Variants in BPHL observed in about 807,000 individuals in gnomAD.
BPHL encodes the protein biphenyl hydrolase like.
Under a neutral mutation model 31.2 loss-of-function variants are expected in BPHL, and 27 were observed. The observed-to-expected ratio is 0.87, with a 90% CI of 0.64 to 1.19. The LOEUF (loss-of-function observed/expected upper bound fraction) is 1.19, where lower values mean the gene tolerates loss of function less well. Ranked by LOEUF, BPHL falls within the 50% of genes most tolerant of loss-of-function variation. BPHL has a pLI of 0.00. For missense variants in BPHL, 356 were observed against 375.7 expected, an observed-to-expected ratio of 0.95 and a Z score of 0.43; for synonymous variants, 150 against 146.8, an observed-to-expected ratio of 1.02 and a Z score of -0.16.
intron 4 of BPHL, among the ~76,000 whole-genome samples, chr6:3,130,435 A>G (rs944152950): frequency 2.0e-5 from 3 of 152,154 alleles, no homozygotes; most frequent in African/African-American, 7.2e-5. Flanking sequence ...ACCAGGATCT[A>G]GGGGTTGCTA....
At chr6:3,147,078 A>G (rs140224891) in intron 6 of BPHL, among the ~76,000 whole-genome samples, 146 of 152,270 alleles carry the variant, frequency 9.6e-4, no homozygotes, top group African/African-American at 3.3e-3. Context: ...CCTGGGCAAC[A>G]TGCTGAAACC....
intron 4 of BPHL, among the ~76,000 whole-genome samples, chr6:3,135,783 G>T (rs1418295842): frequency 6.6e-6 from 1 of 152,004 alleles, no homozygotes; most frequent in Non-Finnish European, 1.5e-5. Flanking sequence ...CTTTGGTTAG[G>T]AGCTAATATT....
At chr6:3,134,328 C>T (rs929664649) in intron 4 of BPHL, among the ~76,000 whole-genome samples, 1 of 151,842 alleles carries the variant, frequency 6.6e-6, no homozygotes, top group Non-Finnish European at 1.5e-5. Flanking sequence ...GTTGCAAGCA[C>T]CTCTTCACAG....
At chr6:3,145,328 G>T (rs746392600) in intron 6 of BPHL, among the ~76,000 whole-genome samples, 1,165 of 38,686 alleles carry the variant, frequency 0.03, 1 homozygote, top group African/African-American at 0.065. Flanking sequence ...CTGGTTCGGG[G>T]TGGAGTGCTG....
intron 5 of BPHL, among the ~76,000 whole-genome samples, chr6:3,137,876 T>C (rs1181992026): frequency 6.6e-6 from 1 of 152,246 alleles, no homozygotes; most frequent in Non-Finnish European, 1.5e-5. Flanking sequence ...TATTTTTTCC[T>C]TTTTACACAT....
intron 2 of BPHL, among the ~76,000 whole-genome samples, chr6:3,125,049 ATTTT>A (rs796265003): frequency 7.0e-6 from 1 of 142,380 alleles, no homozygotes. Context: ...TACCAATTTA[ATTTT>A]TTTTTTTTTT....
intron 4 of BPHL, among the ~76,000 whole-genome samples, chr6:3,132,361 C>G (rs1394832050): frequency 6.6e-6 from 1 of 152,162 alleles, no homozygotes; most frequent in African/African-American, 2.4e-5. Flanking sequence ...CAGGCTGTTC[C>G]CTGGCTGACA....
At chr6:3,130,196 T>C (rs1761835315) in intron 4 of BPHL, among the ~76,000 whole-genome samples, 1 of 152,200 alleles carries the variant, frequency 6.6e-6, no homozygotes, top group African/African-American at 2.4e-5. Context: ...GCAGCCCACG[T>C]ACCAATCGAG....
intron 1 of BPHL, chr6:3,119,485 T>A (rs779676506): frequency 6.6e-5 from 106 of 1,613,994 alleles, no homozygotes; most frequent in Middle Eastern, 4.9e-4. Flanking sequence ...TATTCTCTTT[T>A]GTCCTCCCAC....
chr6:3,122,726 G>A (rs1174609304), intron 1 of BPHL, among the ~76,000 whole-genome samples: 1 of 152,152 alleles, frequency 6.6e-6, no homozygotes, highest in Non-Finnish European at 1.5e-5. Flanking sequence ...TATGGACAGG[G>A]CTACTTAGCA....
intron 3 of BPHL, among the ~76,000 whole-genome samples, chr6:3,128,048 T>C (rs1237041831): frequency 6.6e-6 from 1 of 152,202 alleles, no homozygotes; most frequent in Admixed American, 6.5e-5. Context: ...CTCGATCTCC[T>C]GACCTCATGA....
intron 6 of BPHL, among the ~76,000 whole-genome samples, chr6:3,150,516 A>G (rs1762492243): frequency 6.6e-6 from 1 of 152,248 alleles, no homozygotes; most frequent in Admixed American, 6.5e-5. Context: ...CTGCCCTGGC[A>G]GAGGAACTCG....
chr6:3,129,092 C>T lies in BPHL; in HGVS notation c.426C>T (p.Gly142=), dbSNP rs537079320. The part of the protein sequence containing the change: ...KVSLLGWSDG[G]ITALIAAAKY... ...CTCTGCTGGGGTGGAGTGATGGGGG[C>T]ATAACCGCACTCATTGCTGCTGCAA... is the stretch of plus-strand genomic sequence containing the variant. Residue 142 remains glycine, a synonymous_variant, in exon 4 of 7, where the codon GGC becomes GGT. Coordinates refer to ENST00000380379, the MANE Select transcript of BPHL (RefSeq NM_004332.4). 1.2e-6 allele frequency: 2 copies of T among 1,613,882 alleles called. No homozygotes were observed. Among genetic ancestry groups the T allele is most frequent in the South Asian group, 1.1e-5 (1 of 90,962 alleles).
intron 6 of BPHL, among the ~76,000 whole-genome samples, chr6:3,148,850 G>A (rs952813833): frequency 3.3e-5 from 5 of 152,176 alleles, no homozygotes; most frequent in African/African-American, 1.2e-4. Flanking sequence ...CCTCTCTTAA[G>A]AGAAGAAACC....
At chr6:3,139,385 G>T (rs1180565494) in intron 5 of BPHL, 3 of 152,204 alleles carry the variant, frequency 2.0e-5, no homozygotes, top group Non-Finnish European at 2.9e-5. Flanking sequence ...TGTTGACTTT[G>T]ATCATCACGT....
At chr6:3,141,130 A>G (rs1348666268) in intron 6 of BPHL, among the ~76,000 whole-genome samples, 4 of 152,252 alleles carry the variant, frequency 2.6e-5, no homozygotes, top group African/African-American at 7.2e-5. Context: ...TACAATTACC[A>G]TAAACCTTTA....
intron 1 of BPHL, chr6:3,119,409 C>T: frequency 1.2e-6 from 2 of 1,609,508 alleles, no homozygotes; most frequent in Non-Finnish European, 8.5e-7. Flanking sequence ...ACTGAAAATT[C>T]AGAATCCTGG....
At chr6:3,145,822 T>G (rs1171890715) in intron 6 of BPHL, among the ~76,000 whole-genome samples, 3 of 52,854 alleles carry the variant, frequency 5.7e-5, no homozygotes, top group South Asian at 5.5e-4. Flanking sequence ...AGTGCTGGTT[T>G]GGGTCGAGTG....
rs778150605 is a variant in BPHL, at chr6:3,127,349, C to T, written c.319C>T (p.Arg107Cys). The T allele has an allele frequency of 6.2e-6, 10 of 1,606,788 alleles. No individual in the cohort carries two copies. Among genetic ancestry groups the T allele is most frequent in the African/African-American group, 1.3e-5 (1 of 74,568 alleles). ...RGYGHSRPPD[R>C]DFPADFFERD... ...CTATGGACATTCCAGGCCCCCAGAT[C>T]GCGATTTCCCAGCAGACTTTTTTGA... Residue 107 changes from arginine (R) to cysteine (C), a missense_variant, in exon 3 of 7, where the codon CGC becomes TGC. Transcript: ENST00000380379.
Sources: gnomAD v4.1 joint callset for allele counts (sites outside exome capture counted in the v4.1 genomes callset) on GRCh38, gnomAD v4.1.1 for gene constraint, MANE v1.5 for transcripts, NCBI Gene and HGNC (gene_info 2026-07-23, HGNC 2026-07-21) for gene names.